KIZ: variants seen among roughly 807,000 people sequenced by gnomAD.
The protein encoded by KIZ is kizuna centrosomal protein, also known as centrosomal protein kizuna.
Under a neutral mutation model 79.6 loss-of-function variants are expected in KIZ, and 68 were observed. That is an observed-to-expected ratio of 0.85 (90% CI 0.70 to 1.05). KIZ has a LOEUF of 1.05. KIZ is among the 50% of genes least tolerant of loss of function. The probability of loss-of-function intolerance (pLI) is 0.00; values close to 1 mark genes in which losing one functional copy is unlikely to be tolerated. For synonymous variants in KIZ, 280 were observed against 281.8 expected (o/e 0.99, Z 0.06); for missense variants, 797 against 800.4 (o/e 1.00, Z 0.05).
At chr20:21,151,151 T>G (rs1456655975) in intron 4 of KIZ, 1 of 152,234 alleles carries the variant, frequency 6.6e-6, no homozygotes, top group East Asian at 1.9e-4. Flanking sequence ...GTAACTTAAT[T>G]TCTTAGTCAC....
At chr20:21,217,133 A>G (rs1490156718) in intron 9 of KIZ, among the ~76,000 whole-genome samples, 1 of 152,246 alleles carries the variant, frequency 6.6e-6, no homozygotes, top group Non-Finnish European at 1.5e-5. Flanking sequence ...AGACATTAAA[A>G]AAAGTACTTT....
rs2036901420 is a variant in KIZ, at chr20:21,233,518, G to GCT, written c.1880+689_1880+690dup. On this transcript the variant is annotated intron_variant, in intron 11 of 12. Transcript: ENST00000619189. ...ACCTGATGAAATACCCTACTCTTTTGCTTTGAGCTAAATATTGTTTAAAAT... is the reference window on the plus strand; with the variant it reads ...ACCTGATGAAATACCCTACTCTTTTGCTCTTTGAGCTAAATATTGTTTAAAAT... Among the ~76,000 whole-genome samples, 3 of 152,182 alleles carry GCT rather than the reference G, an allele frequency of 2.0e-5. No individual in the cohort carries two copies. In the South Asian group the frequency reaches 6.2e-4, roughly 32 times the overall value.
intron 11 of KIZ, among the ~76,000 whole-genome samples, chr20:21,238,685 T>C (rs557398193): frequency 6.6e-6 from 1 of 151,766 alleles, no homozygotes; most frequent in East Asian, 1.9e-4. Flanking sequence ...CACTGTTGCC[T>C]TTTCAGCCAA....
At chr20:21,184,999 C>T (rs774425086) in intron 6 of KIZ, among the ~76,000 whole-genome samples, 2 of 152,180 alleles carry the variant, frequency 1.3e-5, no homozygotes, top group Admixed American at 6.5e-5. Flanking sequence ...GCTATGATTG[C>T]ATCACTGCAT....
chr20:21,183,044 A>G lies in KIZ; in HGVS notation c.1352+19885A>G, dbSNP rs557958532. Reference sequence around the variant, plus strand: ...GATTACTAAACAAAATTGGGGTCCCATGAAAAGGAAGAAGGGAGATGGACA... The same window carrying G: ...GATTACTAAACAAAATTGGGGTCCCGTGAAAAGGAAGAAGGGAGATGGACA... On this transcript the variant is annotated intron_variant, in intron 6 of 12. Transcript: ENST00000619189. Among the ~76,000 whole-genome samples, 13 of 152,238 alleles carry G rather than the reference A, an allele frequency of 8.5e-5. No homozygotes were observed. The South Asian group carries it at 2.5e-3, about 29-fold the overall frequency.
chr20:21,174,385 A>G (rs960055664), intron 6 of KIZ, among the ~76,000 whole-genome samples: 1 of 152,228 alleles, frequency 6.6e-6, no homozygotes, highest in Non-Finnish European at 1.5e-5. Context: ...CTCTGTGACC[A>G]GAGTTAACTG....
chr20:21,129,516 C>G (rs1440761679), intron 1 of KIZ, among the ~76,000 whole-genome samples: 2 of 152,034 alleles, frequency 1.3e-5, no homozygotes, highest in Non-Finnish European at 2.9e-5. Context: ...GGGTGGATCA[C>G]CTGAGGTGAG....
At chr20:21,185,592 T>C (rs576349109) in intron 6 of KIZ, among the ~76,000 whole-genome samples, 1 of 151,592 alleles carries the variant, frequency 6.6e-6, no homozygotes, top group Non-Finnish European at 1.5e-5. Flanking sequence ...GTACTTTTAG[T>C]AGAGACAGGG....
intron 1 of KIZ, among the ~76,000 whole-genome samples, chr20:21,130,292 T>C (rs1446440773): frequency 6.6e-6 from 1 of 152,198 alleles, no homozygotes; most frequent in Non-Finnish European, 1.5e-5. Context: ...TCTGATGGTG[T>C]CTCATTACCA....
At chr20:21,178,822 A>T (rs1474310922) in intron 6 of KIZ, among the ~76,000 whole-genome samples, 1 of 152,062 alleles carries the variant, frequency 6.6e-6, no homozygotes, top group African/African-American at 2.4e-5. Flanking sequence ...TGTGTCTATT[A>T]AGATGGTCAT....
intron 9 of KIZ, among the ~76,000 whole-genome samples, chr20:21,223,897 T>C (rs184399150): frequency 9.5e-4 from 144 of 152,224 alleles, no homozygotes; most frequent in African/African-American, 3.4e-3. Context: ...AGGCTGGTCT[T>C]GAACTCCTGA....
intron 4 of KIZ, among the ~76,000 whole-genome samples, chr20:21,161,176 C>G (rs1861907709): frequency 6.6e-6 from 1 of 152,028 alleles, no homozygotes; most frequent in Admixed American, 6.6e-5. Context: ...CTTTTAAGGG[C>G]TGTTTGTCTT....
chr20:21,209,831 G>T (rs899097141), intron 7 of KIZ, among the ~76,000 whole-genome samples: 7 of 152,220 alleles, frequency 4.6e-5, no homozygotes, highest in Non-Finnish European at 7.3e-5. Flanking sequence ...ATATAGAAGG[G>T]AATTTAATTT....
At chr20:21,152,182 A>G (rs556875676) in intron 4 of KIZ, among the ~76,000 whole-genome samples, 2 of 152,330 alleles carry the variant, frequency 1.3e-5, no homozygotes, top group East Asian at 1.9e-4. Flanking sequence ...GGTTTGCTTC[A>G]GTTACTTCAT....
At chr20:21,149,539 G>A (rs972272741) in intron 4 of KIZ, among the ~76,000 whole-genome samples, 2 of 152,242 alleles carry the variant, frequency 1.3e-5, no homozygotes, top group Non-Finnish European at 2.9e-5. Context: ...TGTGTGCCTG[G>A]TATGCAGGGA....
chr20:21,219,907 C>T (rs2036446190), intron 9 of KIZ, among the ~76,000 whole-genome samples: 1 of 152,160 alleles, frequency 6.6e-6, no homozygotes, highest in South Asian at 2.1e-4. Flanking sequence ...TAGAAACCCT[C>T]CTGGGCACAC....
At chr20:21,190,001 G>GT (rs950096274) in intron 6 of KIZ, among the ~76,000 whole-genome samples, 1 of 152,164 alleles carries the variant, frequency 6.6e-6, no homozygotes, top group Admixed American at 6.5e-5. Context: ...GAAAAATACT[G>GT]TTTAACTATG....
chr20:21,166,947 A>C (rs1037303801), intron 6 of KIZ, among the ~76,000 whole-genome samples: 2 of 152,224 alleles, frequency 1.3e-5, no homozygotes, highest in Non-Finnish European at 2.9e-5. Context: ...CTGAAGAAGC[A>C]AACTGTCATC....
At chr20:21,170,124 T>C (rs946791350) in intron 6 of KIZ, among the ~76,000 whole-genome samples, 1 of 152,136 alleles carries the variant, frequency 6.6e-6, no homozygotes, top group African/African-American at 2.4e-5. Context: ...CTGTTTTTGG[T>C]ATGGGGTTAT....
Sources: allele counts gnomAD v4.1 joint callset (sites outside exome capture counted in the v4.1 genomes callset), GRCh38; gene constraint gnomAD v4.1.1; transcripts MANE v1.5; gene names NCBI Gene and HGNC (gene_info 2026-07-23, HGNC 2026-07-21).